Variants in SLC17A6 observed in about 807,000 individuals in gnomAD.
The protein encoded by SLC17A6 is solute carrier family 17 member 6.
A neutral mutation model predicts 67.1 loss-of-function variants in SLC17A6; 35 were observed. That is an observed-to-expected ratio of 0.52 (90% CI 0.40 to 0.69). The LOEUF is 0.69. Ranked by LOEUF, SLC17A6 falls within the 30% of genes least tolerant of loss-of-function variation. The pLI is 0.00. For synonymous variants in SLC17A6, 285 were observed against 252.3 expected (o/e 1.13, Z -1.23); for missense variants, 588 against 723.9 (o/e 0.81, Z 2.15).
chr11:22,360,808 G>A, intron 4 of SLC17A6, 89 bp from the exon 5 acceptor site: 2 of 1,045,306 alleles, frequency 1.9e-6, no homozygotes, highest in Non-Finnish European at 1.4e-6. Flanking sequence ...GTGGAAGGAA[G>A]TCTGAAGGGC....
At chr11:22,346,261 T>C (rs1855874585) in intron 3 of SLC17A6, among the ~76,000 whole-genome samples, 1 of 152,152 alleles carries the variant, frequency 6.6e-6, no homozygotes, top group Admixed American at 6.5e-5. Flanking sequence ...AGAGAAGGGC[T>C]CCTGGCTACA....
At chr11:22,339,119 A>ATATATATATGT (rs1855776306) in intron 1 of SLC17A6, among the ~76,000 whole-genome samples, 2 of 74,352 alleles carry the variant, frequency 2.7e-5, no homozygotes, top group South Asian at 5.8e-4. Flanking sequence ...TATATATGTT[A>ATATATATATGT]TATATATATG....
intron 3 of SLC17A6, among the ~76,000 whole-genome samples, chr11:22,352,705 A>G (rs1161884950): frequency 1.3e-5 from 2 of 152,210 alleles, no homozygotes; most frequent in African/African-American, 4.8e-5. Flanking sequence ...GGTGATCTAC[A>G]GTAGTTTAGC....
chr11:22,367,498 G>C (rs1856126270), intron 7 of SLC17A6, among the ~76,000 whole-genome samples: 1 of 152,118 alleles, frequency 6.6e-6, no homozygotes, highest in South Asian at 2.1e-4. Flanking sequence ...TGGCTACTCA[G>C]AAGCAAGAGG....
At chr11:22,359,701 G>T (rs182331904) in intron 4 of SLC17A6, among the ~76,000 whole-genome samples, 174 bp downstream of exon 4, 157 of 152,270 alleles carry the variant, frequency 1.0e-3, no homozygotes, top group African/African-American at 3.6e-3. Context: ...GTCCATAAAT[G>T]ATATGAAACC....
rs1856255450 is a variant in SLC17A6, at chr11:22,378,366, A to C, written c.*626A>C. The C allele has an allele frequency of 6.5e-6, 1 of 152,686 alleles. No individual in the cohort carries two copies. The allele number at this position is 152,686 out of a possible 1,614,324, so 9.5% of individuals were successfully genotyped here. A position where few individuals can be genotyped will look rare whatever the true frequency, so the allele number is the denominator to read the frequency against. ...GGGCACAAACACTTATTTCTGTGAA[A>C]GAGAACATGTAAGTTGAGGGGTATG... On this transcript the variant is annotated 3_prime_UTR_variant, in exon 12 of 12. Coordinates refer to ENST00000263160, the MANE Select transcript of SLC17A6 (RefSeq NM_020346.3).
chr11:22,364,965 GTGT>G (rs1423364605), intron 6 of SLC17A6, among the ~76,000 whole-genome samples: 1 of 152,150 alleles, frequency 6.6e-6, no homozygotes, highest in Non-Finnish European at 1.5e-5. Flanking sequence ...GTCACGTAAA[GTGT>G]TGTTACCACA....
chr11:22,352,867 C>G (rs1855957487), intron 3 of SLC17A6, among the ~76,000 whole-genome samples: 1 of 152,144 alleles, frequency 6.6e-6, no homozygotes, highest in South Asian at 2.1e-4. Context: ...CCATGAGATA[C>G]TTTAGATGGA....
At chr11:22,348,215 A>G (rs1361836084) in intron 3 of SLC17A6, among the ~76,000 whole-genome samples, 5 of 152,164 alleles carry the variant, frequency 3.3e-5, no homozygotes, top group African/African-American at 7.2e-5. Flanking sequence ...CTCTGATACT[A>G]TATGCTTCAT....
chr11:22,378,519 A>AT lies in SLC17A6; in HGVS notation c.*785dup, dbSNP rs1240920864. 1 of 152,400 alleles carries AT rather than the reference A, an allele frequency of 6.6e-6. No individual in the cohort carries two copies. Among genetic ancestry groups the AT allele is most frequent in the African/African-American group, 2.4e-5 (1 of 41,392 alleles). The allele number at this position is 152,400 out of a possible 1,614,324, so 9.4% of individuals were successfully genotyped here. On this transcript the variant is annotated 3_prime_UTR_variant, in exon 12 of 12. Coordinates refer to ENST00000263160, the MANE Select transcript of SLC17A6 (RefSeq NM_020346.3). Reference sequence around the variant, plus strand: ...TATAAAAAGAAATAAACTTCAATGTATTTTTTATTACAACTTTGTACTGGT... The same window carrying AT: ...TATAAAAAGAAATAAACTTCAATGTATTTTTTTATTACAACTTTGTACTGGT...
intron 1 of SLC17A6, among the ~76,000 whole-genome samples, chr11:22,340,817 G>A (rs946058843): frequency 6.6e-6 from 1 of 152,158 alleles, no homozygotes; most frequent in African/African-American, 2.4e-5. Context: ...CTAGAGCCCT[G>A]GGGCGGGATG....
intron 3 of SLC17A6, among the ~76,000 whole-genome samples, chr11:22,346,790 TA>T (rs1855881426): frequency 6.7e-6 from 1 of 149,264 alleles, no homozygotes; most frequent in African/African-American, 2.4e-5. Context: ...GACACGTGTT[TA>T]ATGGCATAAA....
intron 6 of SLC17A6, among the ~76,000 whole-genome samples, chr11:22,363,654 T>C (rs1306748696): frequency 6.6e-6 from 1 of 152,208 alleles, no homozygotes; most frequent in Non-Finnish European, 1.5e-5. Context: ...GAACAAATTA[T>C]TATGCTTGTA....
In SLC17A6 at chr11:22,368,072, T is replaced by C. The variant is rs1222475935; in HGVS notation, c.892-1967T>C. Among the ~76,000 whole-genome samples the C allele has an allele frequency of 2.6e-5, 4 of 152,162 alleles. No homozygotes were observed. In the South Asian group the frequency reaches 6.2e-4, roughly 24 times the overall value. ...TTTCACTTTTGTTTTGATGAACTAT[T>C]TCAAAGTAAATAAAACATCAAAATA... is the stretch of plus-strand genomic sequence containing the variant. On this transcript the variant is annotated intron_variant, in intron 7 of 11. Transcript: ENST00000263160.
Position 22,341,511 on chromosome 11 carries a change from C to T in SLC17A6, c.87-17C>T, listed in dbSNP as rs750034349. On this transcript the variant is annotated splice_polypyrimidine_tract_variant and intron_variant, in intron 1 of 11. Coordinates refer to ENST00000263160, the MANE Select transcript of SLC17A6 (RefSeq NM_020346.3). ...TAAGCCGCCAAGTCCTTGACTCGCC[C>T]CTGCTCTGCCGCGCAGGGTGCTGGA... 1.9e-6 allele frequency: 3 copies of T among 1,610,920 alleles called. No individual in the cohort carries two copies. The highest frequency in any genetic ancestry group is 2.2e-5 in the East Asian group (1 of 44,754).
intron 3 of SLC17A6, among the ~76,000 whole-genome samples, chr11:22,348,956 A>T (rs1282355111): frequency 6.6e-6 from 1 of 152,142 alleles, no homozygotes; most frequent in East Asian, 1.9e-4. Context: ...CTTCAGAGAG[A>T]TGCAACAGTA....
Position 22,378,642 on chromosome 11 carries a change from A to G in SLC17A6, c.*902A>G, listed in dbSNP as rs965254769. 1.3e-5 allele frequency: 2 copies of G among 152,550 alleles called. No homozygotes were observed. The highest frequency in any genetic ancestry group is 4.8e-5 in the African/African-American group (2 of 41,464). 9.4% of individuals were successfully genotyped at this position (152,550 alleles called of 1,614,324 possible). ...TAGCCCTTAAAATGCAATATTAAGAACAAAGAAATAGAAAATGGTTTAGAT... is the reference window on the plus strand; with the variant it reads ...TAGCCCTTAAAATGCAATATTAAGAGCAAAGAAATAGAAAATGGTTTAGAT... On this transcript the variant is annotated 3_prime_UTR_variant, in exon 12 of 12. Coordinates refer to ENST00000263160, the MANE Select transcript of SLC17A6 (RefSeq NM_020346.3).
intron 8 of SLC17A6, 56 bp from the exon 9 acceptor site, chr11:22,374,699 A>G (rs1359557609): frequency 2.8e-6 from 4 of 1,416,494 alleles, no homozygotes; most frequent in East Asian, 2.5e-5. Context: ...AGGCCATTAA[A>G]TTGCCCATAT....
intron 3 of SLC17A6, among the ~76,000 whole-genome samples, chr11:22,350,323 T>G (rs1855924294): frequency 6.6e-6 from 1 of 152,144 alleles, no homozygotes; most frequent in African/African-American, 2.4e-5. Context: ...AATAATGACA[T>G]ATGATTATTT....
Sources: allele counts gnomAD v4.1 joint callset (sites outside exome capture counted in the v4.1 genomes callset), GRCh38; gene constraint gnomAD v4.1.1; transcripts MANE v1.5; gene names NCBI Gene and HGNC (gene_info 2026-07-23, HGNC 2026-07-21).